Variants in PDIA6 observed in about 807,000 individuals in gnomAD.
PDIA6 encodes protein disulfide-isomerase A6.
Under a neutral mutation model 58.4 loss-of-function variants are expected in PDIA6, and 29 were observed. The observed-to-expected ratio is 0.50, with a 90% CI of 0.37 to 0.68. The LOEUF (loss-of-function observed/expected upper bound fraction) is 0.68, where lower values mean the gene tolerates loss of function less well. Among genes scored for constraint, PDIA6 ranks in the 30% least tolerant of loss-of-function variants. PDIA6 has a pLI of 0.00. For missense variants in PDIA6, 480 were observed against 551.0 expected (o/e 0.87, Z 1.29); for synonymous variants, 192 against 202.6 (o/e 0.95, Z 0.44).
chr2:10,817,711 C>A (rs925317438), upstream of PDIA6, among the ~76,000 whole-genome samples: 1 of 152,196 alleles, frequency 6.6e-6, no homozygotes, highest in African/African-American at 2.4e-5. Flanking sequence ...ACCATGCAGA[C>A]CCCCACAGGG....
intron 1 of PDIA6, among the ~76,000 whole-genome samples, chr2:10,830,033 C>CT (rs1558466563): frequency 6.6e-6 from 1 of 152,038 alleles, no homozygotes; most frequent in African/African-American, 2.4e-5. Flanking sequence ...CTCTGCCCCC[C>CT]ACTACCTTGG....
In PDIA6 at chr2:10,783,548, G is replaced by A. The variant is rs192453762; in HGVS notation, c.*710C>T. On this transcript the variant is annotated 3_prime_UTR_variant, in exon 13 of 13. Coordinates refer to ENST00000272227, the MANE Select transcript of PDIA6 (RefSeq NM_005742.4). ...CTGCTGCTGTATTTCATGTCTTAAC[G>A]GCTATTTTGAGGTTCATTAACAACA... 6.5e-4 allele frequency: 195 copies of A among 301,896 alleles called. 1 individual carries two copies. The highest frequency in any genetic ancestry group is 3.8e-3 in the African/African-American group (170 of 45,176). The allele number at this position is 301,896 out of a possible 1,614,324, so 18.7% of individuals were successfully genotyped here.
upstream of PDIA6, among the ~76,000 whole-genome samples, chr2:10,832,815 G>A (rs1207483428): frequency 2.0e-5 from 3 of 152,136 alleles, no homozygotes; most frequent in Non-Finnish European, 2.9e-5. Flanking sequence ...CCAGGCTGTG[G>A]CTTGCCACAG....
chr2:10,785,318 A>G (rs1448693726), intron 11 of PDIA6, among the ~76,000 whole-genome samples: 1 of 152,130 alleles, frequency 6.6e-6, no homozygotes, highest in African/African-American at 2.4e-5. Flanking sequence ...AATACAAATT[A>G]AATACATAAA....
intron 1 of PDIA6, 129 bp downstream of exon 1, chr2:10,812,549 C>G: frequency 2.1e-6 from 2 of 947,880 alleles, no homozygotes; most frequent in Non-Finnish European, 2.9e-6. Context: ...CGCCGAGGCC[C>G]GCGCCTCCCG....
intron 11 of PDIA6, among the ~76,000 whole-genome samples, chr2:10,785,679 T>A (rs976959000): frequency 1.3e-5 from 2 of 152,218 alleles, no homozygotes; most frequent in Non-Finnish European, 2.9e-5. Context: ...TCTGACTTCA[T>A]GATTTAATAA....
chr2:10,825,477 C>T (rs1161618164), intron 1 of PDIA6, among the ~76,000 whole-genome samples: 1 of 152,160 alleles, frequency 6.6e-6, no homozygotes, highest in Non-Finnish European at 1.5e-5. Context: ...GAGAAATAGA[C>T]AATTTGGAAT....
chr2:10,816,498 C>T (rs1667199324), upstream of PDIA6, among the ~76,000 whole-genome samples: 1 of 146,502 alleles, frequency 6.8e-6, no homozygotes, highest in Non-Finnish European at 1.5e-5. Context: ...TATTCATTTG[C>T]AACATTTTCA....
intron 1 of PDIA6, among the ~76,000 whole-genome samples, chr2:10,812,438 G>T (rs1471041411): frequency 2.6e-5 from 4 of 151,766 alleles, no homozygotes; most frequent in African/African-American, 7.3e-5. Flanking sequence ...TCCAGCGCAC[G>T]AGGCTCCCGC....
chr2:10,808,496 G>C (rs975142857), intron 1 of PDIA6, among the ~76,000 whole-genome samples: 1 of 152,204 alleles, frequency 6.6e-6, no homozygotes, highest in African/African-American at 2.4e-5. Context: ...TTGAAGATGG[G>C]AGTGATCTAG....
In PDIA6 at chr2:10,790,850, G is replaced by C; in HGVS notation, c.585-17C>G. 1 of 1,577,868 alleles carries C rather than the reference G, an allele frequency of 6.3e-7. No homozygotes were observed. Among genetic ancestry groups the C allele is most frequent in the South Asian group, 1.1e-5 (1 of 90,318 alleles). ...GGCTCTAGGCTATAGAAAAATATTC[G>C]TTTTGTTTTGTTTCTTTGAGACACA... On this transcript the variant is annotated splice_polypyrimidine_tract_variant and intron_variant, in intron 6 of 12. Transcript: ENST00000272227.
At chr2:10,808,129 T>C (rs1402453609) in intron 1 of PDIA6, among the ~76,000 whole-genome samples, 2 of 152,246 alleles carry the variant, frequency 1.3e-5, no homozygotes, top group Non-Finnish European at 2.9e-5. Flanking sequence ...GTGAAGCCAC[T>C]AAAGGGTTAT....
At chr2:10,836,880 G>A (rs1463576012), upstream of PDIA6, among the ~76,000 whole-genome samples, 2 of 152,148 alleles carry the variant, frequency 1.3e-5, no homozygotes, top group Non-Finnish European at 2.9e-5. Context: ...ACTCCTTGGG[G>A]TTAGAACGTG....
rs909089135 is a variant in PDIA6 at position 10,789,080 on chromosome 2, A to C, written c.841-99T>G. On this transcript the variant is annotated intron_variant, in intron 8 of 12. Coordinates refer to ENST00000272227, the MANE Select transcript of PDIA6 (RefSeq NM_005742.4). ...GACCTTCGCACCGTCACTTTCATTG[A>C]AAACATTTCTCCCACGACTACTTCC... 2.1e-5 allele frequency: 18 copies of C among 837,222 alleles called. No homozygotes were observed. The African/African-American group carries it at 2.8e-4, about 13-fold the overall frequency. The allele number at this position is 837,222 out of a possible 1,614,324, so 51.9% of individuals were successfully genotyped here.
chr2:10,806,674 T>A (rs1186087176), intron 1 of PDIA6, among the ~76,000 whole-genome samples: 1 of 114,208 alleles, frequency 8.8e-6, no homozygotes, highest in East Asian at 2.4e-4. Flanking sequence ...TTAAGGTTAA[T>A]CTATTATCCA....
At chr2:10,806,950 T>G (rs1160813289) in intron 1 of PDIA6, among the ~76,000 whole-genome samples, 3 of 152,176 alleles carry the variant, frequency 2.0e-5, no homozygotes, top group Non-Finnish European at 4.4e-5. Context: ...TTGTATTAAG[T>G]ACACACTGAT....
chr2:10,826,444 C>T (rs368434834), intron 1 of PDIA6, among the ~76,000 whole-genome samples: 3 of 152,226 alleles, frequency 2.0e-5, no homozygotes, highest in African/African-American at 7.2e-5. Flanking sequence ...ACTGCAACTT[C>T]TGCCTCCTGG....
chr2:10,789,203 T>G (rs371257700), intron 8 of PDIA6, among the ~76,000 whole-genome samples: 3 of 152,184 alleles, frequency 2.0e-5, no homozygotes, highest in East Asian at 3.9e-4. Flanking sequence ...GTGGGGTGAT[T>G]AGCACACATA....
At chr2:10,808,428 G>A (rs1023786375) in intron 1 of PDIA6, among the ~76,000 whole-genome samples, 1 of 136,616 alleles carries the variant, frequency 7.3e-6, no homozygotes, top group African/African-American at 2.5e-5. Context: ...AACTCTTTAA[G>A]CAGGTTTCAT....
Sources: gnomAD v4.1 joint callset for allele counts (sites outside exome capture counted in the v4.1 genomes callset) on GRCh38, gnomAD v4.1.1 for gene constraint, MANE v1.5 for transcripts, NCBI Gene and HGNC (gene_info 2026-07-23, HGNC 2026-07-21) for gene names.